The following DTNB variants were observed in gnomAD, a reference collection of about 807,000 sequenced individuals.
The protein encoded by DTNB is DTN-B.
In DTNB, 63 loss-of-function variants were observed where a neutral mutation model predicts 90.7. The ratio of observed to expected loss-of-function variants is 0.69; its 90% CI spans 0.57 to 0.86. DTNB has a LOEUF of 0.86. Among genes scored for constraint, DTNB ranks in the 40% least tolerant of loss-of-function variants. The pLI is 0.00. For synonymous variants in DTNB, 277 were observed against 286.7 expected, an observed-to-expected ratio of 0.97 and a Z score of 0.34; for missense variants, 744 against 807.1, an observed-to-expected ratio of 0.92 and a Z score of 0.95.
intron 6 of DTNB, among the ~76,000 whole-genome samples, chr2:25,584,464 G>A (rs1035374095): frequency 7.2e-5 from 11 of 151,806 alleles, no homozygotes; most frequent in African/African-American, 2.4e-4. Context: ...TTTTTGTTTT[G>A]AAATAGTTAT....
intron 8 of DTNB, among the ~76,000 whole-genome samples, chr2:25,554,597 C>A (rs2056954506): frequency 6.6e-6 from 1 of 152,122 alleles, no homozygotes; most frequent in Admixed American, 6.5e-5. Flanking sequence ...CACGCTGCAC[C>A]AGAAGACTTG....
intron 9 of DTNB, among the ~76,000 whole-genome samples, chr2:25,500,368 T>C (rs1295976418): frequency 6.6e-6 from 1 of 151,946 alleles, no homozygotes; most frequent in Non-Finnish European, 1.5e-5. Flanking sequence ...AATCTGTGAG[T>C]GGGAGGAGTA....
intron 18 of DTNB, among the ~76,000 whole-genome samples, chr2:25,386,983 T>G (rs1294973956): frequency 5.9e-5 from 9 of 152,144 alleles, no homozygotes; most frequent in Non-Finnish European, 8.8e-5. Context: ...AAAGTACAGA[T>G]GGAAGACGAG....
At chr2:25,523,897 CTTTTT>C (rs869167435) in intron 9 of DTNB, among the ~76,000 whole-genome samples, 1 of 115,860 alleles carries the variant, frequency 8.6e-6, no homozygotes, top group African/African-American at 3.2e-5. Flanking sequence ...GTCATCTGTA[CTTTTT>C]TTTTTTTTTT....
intron 8 of DTNB, among the ~76,000 whole-genome samples, chr2:25,535,642 A>ATTC (rs2079427282): frequency 6.9e-6 from 1 of 143,912 alleles, no homozygotes; most frequent in Admixed American, 6.9e-5. Context: ...CTCACCTCCC[A>ATTC]GACAGGGCGG....
intron 9 of DTNB, among the ~76,000 whole-genome samples, chr2:25,510,816 T>C (rs756068412): frequency 2.0e-5 from 3 of 152,220 alleles, no homozygotes; most frequent in Non-Finnish European, 2.9e-5. Context: ...CTTAAGTGCC[T>C]TTCTACAAAG....
At chr2:25,451,691 C>G (rs1204278052) in intron 11 of DTNB, 56 bp from the exon 12 acceptor site, 2 of 1,427,050 alleles carry the variant, frequency 1.4e-6, no homozygotes, top group African/African-American at 1.4e-5. Context: ...TATTCTTGTT[C>G]CATTCTCAGA....
intron 8 of DTNB, among the ~76,000 whole-genome samples, chr2:25,553,081 C>T (rs2056649868): frequency 2.0e-5 from 3 of 151,348 alleles, no homozygotes; most frequent in Non-Finnish European, 2.9e-5. Flanking sequence ...AGGATGGTCT[C>T]GATCTCCTGA....
intron 9 of DTNB, among the ~76,000 whole-genome samples, chr2:25,526,362 A>AATATATATATAAATAT (rs1443951326): frequency 8.0e-5 from 8 of 99,792 alleles, no homozygotes; most frequent in Non-Finnish European, 1.1e-4. Flanking sequence ...AATATATATA[A>AATATATATATAAATAT]ATATATATAT....
intron 14 of DTNB, 142 bp downstream of exon 14, chr2:25,432,744 G>T: frequency 1.2e-6 from 1 of 824,664 alleles, no homozygotes; most frequent in Non-Finnish European, 1.9e-6. Flanking sequence ...AGCAGCAACA[G>T]AATGGGTGAA....
chr2:25,485,924 C>T (rs189125073), intron 9 of DTNB, among the ~76,000 whole-genome samples: 3 of 151,752 alleles, frequency 2.0e-5, no homozygotes. Context: ...GAGTTCAAGA[C>T]CAGCCTGGCC....
intron 17 of DTNB, 49 bp downstream of exon 17, chr2:25,388,153 G>T: frequency 6.5e-7 from 1 of 1,542,080 alleles, no homozygotes. Flanking sequence ...TCTTGTCCGT[G>T]TTTGCACATC....
At chr2:25,622,029 A>ATT (rs564913378) in intron 4 of DTNB, among the ~76,000 whole-genome samples, 1 of 144,978 alleles carries the variant, frequency 6.9e-6, no homozygotes, top group South Asian at 2.2e-4. Context: ...TAGATACATC[A>ATT]TTTTTTTTTT....
chr2:25,521,462 C>A (rs562622365), intron 9 of DTNB, among the ~76,000 whole-genome samples: 4 of 151,496 alleles, frequency 2.6e-5, no homozygotes, highest in South Asian at 4.2e-4. Context: ...CGGCTCACTG[C>A]AACCTCTGCC....
In DTNB at chr2:25,550,736, G is replaced by A. The variant is rs147620504; in HGVS notation, c.877-19139C>T. 7.0e-3 allele frequency among the ~76,000 whole-genome samples: 1,060 copies of A among 151,792 alleles called. 12 individuals are homozygous for A. Among genetic ancestry groups the A allele is most frequent in the African/African-American group, 0.022 (922 of 41,192 alleles). Reference sequence around the variant, plus strand: ...GTGATCTTGGCTCACTGCAACCTCCGCCTCCTGTATTCAAGCAATTCCCCT... The same window carrying A: ...GTGATCTTGGCTCACTGCAACCTCCACCTCCTGTATTCAAGCAATTCCCCT... On this transcript the variant is annotated intron_variant, in intron 8 of 20. Transcript: ENST00000406818.
At chr2:25,657,883 C>T (rs1434416679) in intron 1 of DTNB, among the ~76,000 whole-genome samples, 1 of 152,026 alleles carries the variant, frequency 6.6e-6, no homozygotes, top group Non-Finnish European at 1.5e-5. Context: ...AAAATCTATT[C>T]GGAAATTACA....
intron 9 of DTNB, among the ~76,000 whole-genome samples, chr2:25,531,105 ATTAAT>A (rs771905719): frequency 2.9e-4 from 44 of 152,344 alleles, no homozygotes; most frequent in Non-Finnish European, 5.7e-4. Context: ...TGTTGTCTAC[ATTAAT>A]TTAAGTCCCT....
intron 12 of DTNB, among the ~76,000 whole-genome samples, chr2:25,441,299 T>C (rs2057333669): frequency 1.3e-5 from 2 of 152,200 alleles, no homozygotes; most frequent in Admixed American, 6.5e-5. Context: ...TGTCCTAAAG[T>C]AGCCTTACTC....
chr2:25,591,952 T>C (rs1238444596), intron 6 of DTNB, among the ~76,000 whole-genome samples: 2 of 151,044 alleles, frequency 1.3e-5, no homozygotes, highest in African/African-American at 4.9e-5. Context: ...TCCCAGCTAC[T>C]TGGGAGGCTG....
Sources: gnomAD v4.1 joint callset for allele counts (sites outside exome capture counted in the v4.1 genomes callset) on GRCh38, gnomAD v4.1.1 for gene constraint, MANE v1.5 for transcripts, NCBI Gene and HGNC (gene_info 2026-07-23, HGNC 2026-07-21) for gene names.